NEBL: variants seen among roughly 807,000 people sequenced by gnomAD.
NEBL encodes LIM and SH3 protein 2.
A neutral mutation model predicts 140.2 loss-of-function variants in NEBL; 122 were observed. That is an observed-to-expected ratio of 0.87 (90% CI 0.75 to 1.01). The LOEUF (loss-of-function observed/expected upper bound fraction) is 1.01, where lower values mean the gene tolerates loss of function less well. NEBL is among the 50% of genes least tolerant of loss of function. NEBL has a pLI of 0.00. For missense variants in NEBL, 1,365 were observed against 1,231.3 expected (o/e 1.11, Z -1.62); for synonymous variants, 436 against 398.9 (o/e 1.09, Z -1.11).
rs368084487 is a variant in NEBL, at chr10:21,057,139, A to G, written c.165-36938T>C. On this transcript the variant is annotated intron_variant, in intron 2 of 6. Transcript: ENST00000417816. ...GTTAAGCTGAGATTTCTGGGTGCCT[A>G]TGTCCCAGATCTTATGCCGGGCTTT... Among the ~76,000 whole-genome samples, 10 of 152,308 alleles carry G rather than the reference A, an allele frequency of 6.6e-5. No homozygotes were observed. The South Asian group carries it at 2.1e-3, about 32-fold the overall frequency.
chr10:21,234,147 AG>A (rs1163923883), intron 3 of NEBL, among the ~76,000 whole-genome samples: 3 of 151,914 alleles, frequency 2.0e-5, no homozygotes, highest in African/African-American at 4.8e-5. Context: ...CTTGTTGAAA[AG>A]GGGGTGAGTG....
chr10:21,190,525 T>A (rs955680295), intron 3 of NEBL, among the ~76,000 whole-genome samples: 11 of 152,102 alleles, frequency 7.2e-5, no homozygotes, highest in African/African-American at 2.7e-4. Flanking sequence ...ATCTGGTACA[T>A]CTCTGAGTAG....
intron 4 of NEBL, among the ~76,000 whole-genome samples, chr10:20,914,859 G>A (rs932192504): frequency 1.3e-5 from 2 of 151,256 alleles, no homozygotes; most frequent in African/African-American, 4.9e-5. Context: ...TTCTGGGGTT[G>A]TTTTGTTTTG....
intron 2 of NEBL, among the ~76,000 whole-genome samples, chr10:21,162,818 G>T (rs11012551): frequency 6.6e-6 from 1 of 152,180 alleles, no homozygotes; most frequent in Non-Finnish European, 1.5e-5. Flanking sequence ...CTTCACAAAG[G>T]TAGGCATAGC....
intron 3 of NEBL, among the ~76,000 whole-genome samples, chr10:20,981,399 A>C (rs1049433954): frequency 6.9e-6 from 1 of 144,690 alleles, no homozygotes; most frequent in African/African-American, 2.8e-5. Flanking sequence ...ATTCTACTGC[A>C]TCTCATAAAA....
At chr10:21,258,964 A>G (rs1842700523) in intron 1 of NEBL, among the ~76,000 whole-genome samples, 1 of 152,180 alleles carries the variant, frequency 6.6e-6, no homozygotes, top group South Asian at 2.1e-4. Context: ...AATCCTATGA[A>G]ATAGATCCTA....
chr10:20,837,702 T>C (rs991675974), intron 13 of NEBL, among the ~76,000 whole-genome samples: 2 of 152,184 alleles, frequency 1.3e-5, no homozygotes, highest in Admixed American at 6.5e-5. Flanking sequence ...GAGAAGTCAA[T>C]GTCTGCTTCA....
intron 2 of NEBL, among the ~76,000 whole-genome samples, chr10:21,063,821 G>C (rs1016019096): frequency 1.3e-5 from 2 of 152,022 alleles, no homozygotes; most frequent in African/African-American, 2.4e-5. Context: ...AGTGAGCCAA[G>C]GTCACGCCAC....
intron 3 of NEBL, among the ~76,000 whole-genome samples, chr10:21,226,180 G>A (rs1206825841): frequency 6.6e-6 from 1 of 151,846 alleles, no homozygotes; most frequent in Non-Finnish European, 1.5e-5. Flanking sequence ...AGAAATGTCA[G>A]GGAGCTAGAG....
chr10:20,854,380 T>C (rs1842839124), intron 9 of NEBL, among the ~76,000 whole-genome samples: 1 of 152,114 alleles, frequency 6.6e-6, no homozygotes, highest in Admixed American at 6.5e-5. Flanking sequence ...GATGACCAAG[T>C]GGCCTGCCAC....
intron 3 of NEBL, among the ~76,000 whole-genome samples, chr10:21,233,121 G>A (rs11012593): frequency 0.012 from 1,765 of 152,206 alleles, 32 homozygotes; most frequent in African/African-American, 0.04. Flanking sequence ...GGAGTACAAT[G>A]GCACAATGTT....
chr10:21,154,333 C>G (rs1840255655), intron 2 of NEBL, among the ~76,000 whole-genome samples: 1 of 151,782 alleles, frequency 6.6e-6, no homozygotes, highest in African/African-American at 2.4e-5. Context: ...GTGGCATGTG[C>G]CTGTAGTCCC....
At chr10:21,042,757 G>C (rs148224900) in intron 2 of NEBL, among the ~76,000 whole-genome samples, 128 of 152,248 alleles carry the variant, frequency 8.4e-4, no homozygotes, top group African/African-American at 3.1e-3. Context: ...GCAAACCTCT[G>C]GATTCTTCCT....
intron 26 of NEBL, among the ~76,000 whole-genome samples, chr10:20,806,557 C>T (rs1037536537): frequency 2.0e-5 from 3 of 152,226 alleles, no homozygotes; most frequent in African/African-American, 7.2e-5. Flanking sequence ...GATGCAGCTG[C>T]GCTGTTATTG....
chr10:20,906,321 C>T (rs1419204641), intron 4 of NEBL, among the ~76,000 whole-genome samples: 1 of 152,094 alleles, frequency 6.6e-6, no homozygotes, highest in Non-Finnish European at 1.5e-5. Context: ...ACTGAGGAAT[C>T]CTTCTTCCTG....
At chr10:21,287,292 T>C (rs1004565632) in intron 1 of NEBL, among the ~76,000 whole-genome samples, 1 of 152,086 alleles carries the variant, frequency 6.6e-6, no homozygotes, top group Admixed American at 6.6e-5. Context: ...TCCCAGAATT[T>C]TGGGAGGCCG....
intron 2 of NEBL, among the ~76,000 whole-genome samples, chr10:21,103,279 T>C (rs1161652962): frequency 6.6e-6 from 1 of 150,554 alleles, no homozygotes; most frequent in African/African-American, 2.5e-5. Flanking sequence ...GTGGCTGCAA[T>C]CTCGGCCCAC....
intron 2 of NEBL, among the ~76,000 whole-genome samples, chr10:21,053,757 G>C (rs1834885374): frequency 6.6e-6 from 1 of 152,278 alleles, no homozygotes; most frequent in Non-Finnish European, 1.5e-5. Context: ...CTAGGGCTGG[G>C]CATGGTGGCT....
At chr10:20,911,646 A>G (rs74758826) in intron 4 of NEBL, among the ~76,000 whole-genome samples, 218 of 152,354 alleles carry the variant, frequency 1.4e-3, no homozygotes, top group African/African-American at 4.9e-3. Context: ...ATAAGAAAGT[A>G]TAAGTGGATT....
Sources: allele counts gnomAD v4.1 joint callset (sites outside exome capture counted in the v4.1 genomes callset), GRCh38; gene constraint gnomAD v4.1.1; transcripts MANE v1.5; gene names NCBI Gene and HGNC (gene_info 2026-07-23, HGNC 2026-07-21).